The following RARB variants were observed in gnomAD, a reference collection of about 807,000 sequenced individuals.
The protein encoded by RARB is HBV-activated protein.
Under a neutral mutation model 51.9 loss-of-function variants are expected in RARB, and 17 were observed. The observed-to-expected ratio is 0.33, with a 90% CI of 0.22 to 0.49. The LOEUF is 0.49. RARB is among the 20% of genes least tolerant of loss of function. RARB has a pLI of 0.99. For synonymous variants in RARB, 215 were observed against 195.4 expected, an observed-to-expected ratio of 1.10 and a Z score of -0.84; for missense variants, 369 against 550.8, an observed-to-expected ratio of 0.67 and a Z score of 3.30.
chr3:25,297,346 A>G (rs1247232143), intron 5 of RARB, among the ~76,000 whole-genome samples: 1 of 150,566 alleles, frequency 6.6e-6, no homozygotes, highest in African/African-American at 2.4e-5. Flanking sequence ...TAGCCCTACA[A>G]CCTTTCCCTC....
chr3:25,096,818 G>C (rs1410035002), intron 3 of RARB, among the ~76,000 whole-genome samples: 1 of 152,100 alleles, frequency 6.6e-6, no homozygotes, highest in Non-Finnish European at 1.5e-5. Flanking sequence ...ACATGACATT[G>C]TCAAAGGAAT....
intron 2 of RARB, among the ~76,000 whole-genome samples, chr3:25,472,717 T>G (rs1695757970): frequency 6.6e-6 from 1 of 152,206 alleles, no homozygotes; most frequent in South Asian, 2.1e-4. Flanking sequence ...CAAACTATCT[T>G]TTCAAGGCCT....
rs551073309 is a variant in RARB, at chr3:25,068,096, C to T, written c.-328+7920C>T. Among the ~76,000 whole-genome samples the T allele has an allele frequency of 1.4e-4, 17 of 125,196 alleles. No homozygotes were observed. The South Asian group carries it at 3.1e-3, about 23-fold the overall frequency. 82.1% of individuals were successfully genotyped at this position (125,196 alleles called of 152,430 possible). The stretch of plus-strand genomic sequence containing the variant: ...TTGCAGTGAGACGAGATTGCACCAT[C>T]GCACTTCAGCCTGGGCGACAGAGAG... On this transcript the variant is annotated intron_variant, in intron 3 of 11. Coordinates refer to the RARB transcript ENST00000383772.
intron 5 of RARB, among the ~76,000 whole-genome samples, chr3:25,382,677 G>A (rs1019626264): frequency 1.3e-5 from 2 of 152,190 alleles, no homozygotes; most frequent in Non-Finnish European, 2.9e-5. Flanking sequence ...CCAACATGGT[G>A]AAGCCCCATC....
intron 5 of RARB, among the ~76,000 whole-genome samples, chr3:25,274,447 A>T (rs936202717): frequency 1.3e-5 from 2 of 152,146 alleles, no homozygotes; most frequent in Non-Finnish European, 2.9e-5. Context: ...TGTTACCTTT[A>T]TGAAGCTGCC....
chr3:25,391,509 A>C (rs746951911), intron 5 of RARB, among the ~76,000 whole-genome samples: 3 of 152,164 alleles, frequency 2.0e-5, no homozygotes, highest in Non-Finnish European at 4.4e-5. Flanking sequence ...TACATTCCCA[A>C]TAGCAGTGCA....
At chr3:25,196,556 C>T (rs867985641) in intron 5 of RARB, among the ~76,000 whole-genome samples, 1 of 152,062 alleles carries the variant, frequency 6.6e-6, no homozygotes, top group South Asian at 2.1e-4. Context: ...TTTATAGCAA[C>T]ATGATTTATA....
chr3:24,838,718 A>G (rs1163707535), intron 1 of RARB, among the ~76,000 whole-genome samples: 1 of 152,232 alleles, frequency 6.6e-6, no homozygotes, highest in East Asian at 1.9e-4. Flanking sequence ...GAACATTCAA[A>G]TGCCTTCAGG....
At chr3:25,434,137 G>A (rs1299798472) in intron 1 of RARB, among the ~76,000 whole-genome samples, 1 of 152,212 alleles carries the variant, frequency 6.6e-6, no homozygotes, top group African/African-American at 2.4e-5. Flanking sequence ...TCTAGTCAGG[G>A]CTCAGGGATT....
rs374315068 is a variant in RARB, at chr3:24,863,622, G to T, written c.-380+4870G>T. ...ATAAGATTTCTTGTACGCCTGGCCT[G>T]TTCATAAATCCAATTTAATTAGAGA... On this transcript the variant is annotated intron_variant, in intron 2 of 11. Coordinates refer to the RARB transcript ENST00000383772. Among the ~76,000 whole-genome samples the T allele has an allele frequency of 1.1e-4, 16 of 151,830 alleles. No individual in the cohort carries two copies. In the East Asian group the frequency reaches 2.5e-3, roughly 24 times the overall value.
intron 2 of RARB, among the ~76,000 whole-genome samples, chr3:24,877,030 T>C (rs907884764): frequency 1.3e-5 from 2 of 152,156 alleles, no homozygotes; most frequent in African/African-American, 2.4e-5. Flanking sequence ...AATGACAATA[T>C]ATGTAAATGT....
At chr3:25,199,587 T>G (rs1200942866) in intron 5 of RARB, among the ~76,000 whole-genome samples, 1 of 152,098 alleles carries the variant, frequency 6.6e-6, no homozygotes, top group Non-Finnish European at 1.5e-5. Flanking sequence ...TATTTCCTAA[T>G]GCTATCCCTT....
chr3:25,463,793 A>G (rs1466971446), intron 2 of RARB, among the ~76,000 whole-genome samples: 1 of 152,184 alleles, frequency 6.6e-6, no homozygotes, highest in Non-Finnish European at 1.5e-5. Flanking sequence ...TAATAAGGCC[A>G]GTTTTGGGAA....
At chr3:25,385,570 T>A (rs1706769562) in intron 5 of RARB, among the ~76,000 whole-genome samples, 1 of 152,184 alleles carries the variant, frequency 6.6e-6, no homozygotes, top group South Asian at 2.1e-4. Flanking sequence ...ACGAGGATCC[T>A]GGCTCAGCCA....
chr3:24,973,043 G>A (rs991157752), intron 2 of RARB, among the ~76,000 whole-genome samples: 3 of 151,880 alleles, frequency 2.0e-5, no homozygotes, highest in African/African-American at 7.2e-5. Context: ...TCACAAAAAA[G>A]CTTTGCCCAG....
At chr3:25,323,325 G>A (rs1704624921) in intron 5 of RARB, among the ~76,000 whole-genome samples, 3 of 152,146 alleles carry the variant, frequency 2.0e-5, no homozygotes, top group African/African-American at 7.2e-5. Flanking sequence ...AGGACATGTG[G>A]GATAAGAGCA....
At chr3:25,407,994 T>C (rs949080758) in intron 5 of RARB, among the ~76,000 whole-genome samples, 3 of 152,158 alleles carry the variant, frequency 2.0e-5, no homozygotes, top group Admixed American at 1.3e-4. Flanking sequence ...ACACATCTTT[T>C]ATTGCCCCCA....
At chr3:25,458,237 G>A (rs985040495) in intron 1 of RARB, 4 of 152,130 alleles carry the variant, frequency 2.6e-5, no homozygotes, top group Non-Finnish European at 4.4e-5. Context: ...AATATTTATC[G>A]ACAAGGAAAT....
At chr3:24,887,269 A>G (rs948868572) in intron 2 of RARB, among the ~76,000 whole-genome samples, 1 of 152,250 alleles carries the variant, frequency 6.6e-6, no homozygotes. Context: ...TTTGATTACA[A>G]TAGAAAATAA....
Sources: allele counts gnomAD v4.1 joint callset (sites outside exome capture counted in the v4.1 genomes callset), GRCh38; gene constraint gnomAD v4.1.1; transcripts MANE v1.5; gene names NCBI Gene and HGNC (gene_info 2026-07-23, HGNC 2026-07-21).